The following ANO10 variants were observed in gnomAD, a reference collection of about 807,000 sequenced individuals.
ANO10 encodes the protein anoctamin 10, also known as anoctamin-10.
In ANO10, 77 loss-of-function variants were observed where a neutral mutation model predicts 74.7. The ratio of observed to expected loss-of-function variants is 1.03; its 90% CI spans 0.86 to 1.25. The LOEUF (loss-of-function observed/expected upper bound fraction) is 1.25. Among genes scored for constraint, ANO10 ranks in the 50% most tolerant of loss-of-function variants. The pLI is 0.00. For missense variants in ANO10, 721 were observed against 778.1 expected, an observed-to-expected ratio of 0.93 and a Z score of 0.87; for synonymous variants, 279 against 284.9, an observed-to-expected ratio of 0.98 and a Z score of 0.21.
In ANO10 at chr3:43,577,254, A is replaced by G. The variant is rs746287806; in HGVS notation, c.600T>C (p.Ile200=). 1.9e-6 allele frequency: 3 copies of G among 1,613,960 alleles called. No individual in the cohort carries two copies. The highest frequency in any genetic ancestry group is 1.7e-6 in the Non-Finnish European group (2 of 1,179,912). ...CAATTGTTTCCCCAAAGTAGCCACG[A>G]ATACTGTCTATAGTGGAAACAAAGA... ...FALKYQPIDS[I]RGYFGETIAL... is the part of the protein sequence containing the mutation. Residue 200 remains isoleucine, a synonymous_variant, in exon 6 of 13, where the codon ATT becomes ATC. Coordinates refer to ENST00000292246, the MANE Select transcript of ANO10 (RefSeq NM_018075.5).
chr3:43,440,999 A>G (rs1266090061), intron 11 of ANO10, among the ~76,000 whole-genome samples: 3 of 152,138 alleles, frequency 2.0e-5, no homozygotes, highest in Admixed American at 2.0e-4. Context: ...GAAGCAAATG[A>G]AAACAAAACC....
At chr3:43,671,046 G>A (rs2084053274) in intron 1 of ANO10, among the ~76,000 whole-genome samples, 1 of 152,162 alleles carries the variant, frequency 6.6e-6, no homozygotes, top group African/African-American at 2.4e-5. Context: ...TTGTTGGTAA[G>A]TAATAGAACC....
intron 12 of ANO10, among the ~76,000 whole-genome samples, chr3:43,426,123 T>C (rs1393094532): frequency 6.6e-6 from 1 of 151,634 alleles, no homozygotes; most frequent in Non-Finnish European, 1.5e-5. Context: ...CCTCCACACC[T>C]TTCACATCGC....
chr3:43,446,414 A>C (rs1180495833), intron 11 of ANO10, among the ~76,000 whole-genome samples: 2 of 152,234 alleles, frequency 1.3e-5, no homozygotes, highest in Non-Finnish European at 2.9e-5. Flanking sequence ...TCTGAGAGAG[A>C]GCAACTTCAT....
intron 11 of ANO10, among the ~76,000 whole-genome samples, chr3:43,471,044 C>A (rs2075837156): frequency 6.6e-6 from 1 of 152,132 alleles, no homozygotes; most frequent in Non-Finnish European, 1.5e-5. Flanking sequence ...AATGTTACAT[C>A]ATTAAACAGA....
intron 12 of ANO10, among the ~76,000 whole-genome samples, chr3:43,418,985 C>T (rs747798070): frequency 6.6e-6 from 1 of 152,232 alleles, no homozygotes; most frequent in African/African-American, 2.4e-5. Context: ...GGATGGCCCA[C>T]GTGCCTAAAG....
chr3:43,585,652 T>C (rs1179303947), intron 4 of ANO10, among the ~76,000 whole-genome samples: 1 of 152,212 alleles, frequency 6.6e-6, no homozygotes, highest in Non-Finnish European at 1.5e-5. Context: ...GAAGCCGTGA[T>C]TTCCACATTA....
At chr3:43,635,042 C>T (rs1422934584) in intron 1 of ANO10, among the ~76,000 whole-genome samples, 1 of 152,022 alleles carries the variant, frequency 6.6e-6, no homozygotes, top group Non-Finnish European at 1.5e-5. Flanking sequence ...GTCCATGGAG[C>T]TGGGGCAGAA....
chr3:43,639,482 T>C (rs2083649029), intron 1 of ANO10, among the ~76,000 whole-genome samples: 1 of 152,198 alleles, frequency 6.6e-6, no homozygotes, highest in Admixed American at 6.5e-5. Context: ...CAGACAATTC[T>C]GGCTGGGTGC....
intron 10 of ANO10, among the ~76,000 whole-genome samples, chr3:43,553,645 C>G (rs912692536): frequency 2.6e-5 from 4 of 151,768 alleles, no homozygotes; most frequent in Non-Finnish European, 5.9e-5. Context: ...AAGTGATTCT[C>G]CTGCCTCAGC....
chr3:43,620,907 C>T (rs2083362657), intron 1 of ANO10, among the ~76,000 whole-genome samples: 1 of 152,240 alleles, frequency 6.6e-6, no homozygotes, highest in African/African-American at 2.4e-5. Context: ...TCAGCAACAG[C>T]TGTTCAGAAC....
intron 12 of ANO10, among the ~76,000 whole-genome samples, chr3:43,422,238 T>A (rs1301777777): frequency 6.6e-6 from 1 of 152,104 alleles, no homozygotes; most frequent in Non-Finnish European, 1.5e-5. Context: ...TGCCTCAGCC[T>A]CCTGAGTAGC....
chr3:43,372,656 C>A, intron 12 of ANO10: 1 of 546,138 alleles, frequency 1.8e-6, no homozygotes. Context: ...TCAATTGCTG[C>A]ACTCCTCGCA....
At chr3:43,506,577 C>T (rs2077301656) in intron 11 of ANO10, among the ~76,000 whole-genome samples, 1 of 152,184 alleles carries the variant, frequency 6.6e-6, no homozygotes, top group East Asian at 1.9e-4. Context: ...CTGTGTGATC[C>T]TCTGCATCAT....
intron 1 of ANO10, among the ~76,000 whole-genome samples, chr3:43,640,281 A>C (rs2083658749): frequency 6.6e-6 from 1 of 152,336 alleles, no homozygotes; most frequent in Middle Eastern, 3.4e-3. Flanking sequence ...TTGAAGCTGC[A>C]CCACTCAACC....
rs1381572314 is a variant in ANO10, at chr3:43,392,923, G to A, written c.1915-25949C>T. On this transcript the variant is annotated intron_variant, in intron 12 of 12. Transcript: ENST00000292246. ...TGACCGCCATATTGTTAAATCCAAG[G>A]GGGCATTTCCTGGTCCTCATTTTGC... is the stretch of plus-strand genomic sequence containing the variant. 2.6e-5 allele frequency among the ~76,000 whole-genome samples: 4 copies of A among 152,144 alleles called. No individual in the cohort carries two copies. The East Asian group carries it at 7.7e-4, about 29-fold the overall frequency.
chr3:43,446,978 A>C (rs975885358), intron 11 of ANO10, among the ~76,000 whole-genome samples: 21 of 152,118 alleles, frequency 1.4e-4, no homozygotes, highest in African/African-American at 4.6e-4. Context: ...GAATATATTA[A>C]TATTTTCTCC....
At chr3:43,577,891 A>T (rs1050665795) in intron 5 of ANO10, among the ~76,000 whole-genome samples, 1 of 152,216 alleles carries the variant, frequency 6.6e-6, no homozygotes, top group Non-Finnish European at 1.5e-5. Context: ...AGGTCCAAGC[A>T]ACATGACTGC....
chr3:43,672,656 A>C lies in ANO10; in HGVS notation c.-12+18861T>G, dbSNP rs542354296. Among the ~76,000 whole-genome samples the C allele has an allele frequency of 6.3e-4, 96 of 152,278 alleles. 1 individual carries two copies. Among genetic ancestry groups the C allele is most frequent in the African/African-American group, 2.0e-3 (85 of 41,546 alleles). On this transcript the variant is annotated intron_variant, in intron 1 of 3. Coordinates refer to the ANO10 transcript ENST00000413397. ...TCAAATGCTTAAAACGTGTATCCCC[A>C]TCTGTGCACCTTCATCAAGTTATTA... is the stretch of plus-strand genomic sequence containing the variant.
Sources: allele counts gnomAD v4.1 joint callset (sites outside exome capture counted in the v4.1 genomes callset), GRCh38; gene constraint gnomAD v4.1.1; transcripts MANE v1.5; gene names NCBI Gene and HGNC (gene_info 2026-07-23, HGNC 2026-07-21).